MAGI2: variants seen among roughly 807,000 people sequenced by gnomAD.
MAGI2 encodes the protein membrane associated guanylate kinase, WW and PDZ domain containing 2.
A neutral mutation model predicts 133.3 loss-of-function variants in MAGI2; 35 were observed. The ratio of observed to expected loss-of-function variants is 0.26; its 90% CI spans 0.20 to 0.35. The LOEUF (loss-of-function observed/expected upper bound fraction) is 0.35, where lower values mean the gene tolerates loss of function less well. MAGI2 is among the 10% of genes least tolerant of loss of function. The probability of loss-of-function intolerance (pLI) is 1.00; values close to 1 mark genes in which losing one functional copy is unlikely to be tolerated. For missense variants in MAGI2, 1,636 were observed against 1,863.4 expected, an observed-to-expected ratio of 0.88 and a Z score of 2.25; for synonymous variants, 729 against 710.6, an observed-to-expected ratio of 1.03 and a Z score of -0.41.
At chr7:79,165,841 T>C (rs897255205) in intron 1 of MAGI2, among the ~76,000 whole-genome samples, 5 of 152,008 alleles carry the variant, frequency 3.3e-5, no homozygotes, top group African/African-American at 1.2e-4. Context: ...AATTTTATAA[T>C]CTCCCAAAAT....
At chr7:79,044,543 A>G (rs888553437) in intron 1 of MAGI2, among the ~76,000 whole-genome samples, 1 of 152,118 alleles carries the variant, frequency 6.6e-6, no homozygotes, top group Non-Finnish European at 1.5e-5. Context: ...CACTCTCACC[A>G]CTCCTAAAAG....
At chr7:78,529,317 T>C (rs1368252723) in intron 3 of MAGI2, among the ~76,000 whole-genome samples, 1 of 152,166 alleles carries the variant, frequency 6.6e-6, no homozygotes, top group Non-Finnish European at 1.5e-5. Flanking sequence ...GGTTTGTTCA[T>C]GTAAAGGAAA....
chr7:78,706,500 T>G (rs1016378526), intron 2 of MAGI2, among the ~76,000 whole-genome samples: 11 of 152,100 alleles, frequency 7.2e-5, no homozygotes, highest in African/African-American at 2.4e-4. Context: ...TATGAGAAAC[T>G]TAGTACTTTG....
At chr7:78,232,409 T>C (rs1472708313) in intron 10 of MAGI2, among the ~76,000 whole-genome samples, 1 of 152,232 alleles carries the variant, frequency 6.6e-6, no homozygotes, top group African/African-American at 2.4e-5. Flanking sequence ...AATTTATTCA[T>C]GTTTTACAAT....
chr7:78,234,418 G>A (rs1414933387), intron 10 of MAGI2, among the ~76,000 whole-genome samples: 2 of 152,070 alleles, frequency 1.3e-5, no homozygotes, highest in Admixed American at 6.6e-5. Context: ...ATGAAATAAC[G>A]TTAATTAGGA....
At chr7:79,077,574 C>CAAAAAAAAAAAAAAAA (rs769770373) in intron 1 of MAGI2, among the ~76,000 whole-genome samples, 12 of 23,772 alleles carry the variant, frequency 5.0e-4, no homozygotes, top group African/African-American at 1.7e-3. Flanking sequence ...GACTGCCTCT[C>CAAAAAAAAAAAAAAAA]AAAAAAAAAA....
At chr7:78,514,696 T>C (rs758471340) in intron 4 of MAGI2, among the ~76,000 whole-genome samples, 10 of 152,180 alleles carry the variant, frequency 6.6e-5, no homozygotes, top group Non-Finnish European at 4.4e-5. Flanking sequence ...CGAGATTCAC[T>C]AGGGAGGACA....
chr7:78,458,730 G>A (rs1439065988), intron 6 of MAGI2, among the ~76,000 whole-genome samples: 1 of 151,786 alleles, frequency 6.6e-6, no homozygotes, highest in Non-Finnish European at 1.5e-5. Flanking sequence ...CGCCTCCTGG[G>A]TTCATGACAT....
At chr7:78,754,112 C>G (rs760597004) in intron 2 of MAGI2, among the ~76,000 whole-genome samples, 1 of 152,024 alleles carries the variant, frequency 6.6e-6, no homozygotes, top group Non-Finnish European at 1.5e-5. Context: ...AATATTAAAA[C>G]TGGCCTGTAA....
intron 6 of MAGI2, among the ~76,000 whole-genome samples, chr7:78,397,520 C>G (rs1367909070): frequency 6.6e-6 from 1 of 151,856 alleles, no homozygotes. Context: ...CTGGGTTGGC[C>G]TGGAGAAGAA....
rs148235159 is a variant in MAGI2, at chr7:79,075,162, C to CT, written c.302-67957dup. ...CTCTCTTTTTATTCAGTAAATCAGT[C>CT]TTTTTCAGAAGCCACTCAGATGATT... On this transcript the variant is annotated intron_variant, in intron 1 of 21. Transcript: ENST00000354212. Among the ~76,000 whole-genome samples the CT allele has an allele frequency of 3.8e-3, 572 of 152,254 alleles. 3 individuals carry two copies. Among genetic ancestry groups the CT allele is most frequent in the Non-Finnish European group, 5.8e-3 (393 of 68,016 alleles).
chr7:79,105,218 A>G (rs1818345757), intron 1 of MAGI2, among the ~76,000 whole-genome samples: 1 of 152,226 alleles, frequency 6.6e-6, no homozygotes, highest in African/African-American at 2.4e-5. Flanking sequence ...GAGGTATAGT[A>G]TATGAAAAGC....
At chr7:78,164,402 T>G (rs1342205770) in intron 15 of MAGI2, among the ~76,000 whole-genome samples, 1 of 152,232 alleles carries the variant, frequency 6.6e-6, no homozygotes, top group Non-Finnish European at 1.5e-5. Context: ...ACCAGGTCCC[T>G]CATGGTCCTT....
chr7:79,102,713 T>A (rs1818090735), intron 1 of MAGI2, among the ~76,000 whole-genome samples: 1 of 152,204 alleles, frequency 6.6e-6, no homozygotes, highest in South Asian at 2.1e-4. Context: ...ATTCAGTCAA[T>A]TTAAAGACAT....
chr7:78,560,901 A>C (rs1040172109), intron 3 of MAGI2, among the ~76,000 whole-genome samples: 2 of 152,174 alleles, frequency 1.3e-5, no homozygotes, highest in Non-Finnish European at 2.9e-5. Flanking sequence ...ATAGCTCAGG[A>C]TTTATAAAGA....
At chr7:78,529,810 C>A (rs1268567325) in intron 3 of MAGI2, among the ~76,000 whole-genome samples, 1 of 149,760 alleles carries the variant, frequency 6.7e-6, no homozygotes, top group Non-Finnish European at 1.5e-5. Flanking sequence ...AACCACCACA[C>A]CTGGCCAATC....
At chr7:78,794,167 A>G (rs547315119) in intron 2 of MAGI2, among the ~76,000 whole-genome samples, 1 of 152,300 alleles carries the variant, frequency 6.6e-6, no homozygotes, top group East Asian at 1.9e-4. Flanking sequence ...TAAAATTACA[A>G]CTGACTAAGA....
At chr7:79,224,523 C>T (rs1250748041) in intron 1 of MAGI2, among the ~76,000 whole-genome samples, 1 of 152,010 alleles carries the variant, frequency 6.6e-6, no homozygotes, top group Non-Finnish European at 1.5e-5. Flanking sequence ...TACATAAATG[C>T]TTATAGCCAC....
chr7:79,076,422 T>C (rs973817979), intron 1 of MAGI2, among the ~76,000 whole-genome samples: 21 of 152,364 alleles, frequency 1.4e-4, no homozygotes, highest in African/African-American at 5.0e-4. Flanking sequence ...AATTGTCTTA[T>C]ATGGCTTTCA....
Sources: gnomAD v4.1 joint callset for allele counts (sites outside exome capture counted in the v4.1 genomes callset) on GRCh38, gnomAD v4.1.1 for gene constraint, MANE v1.5 for transcripts, NCBI Gene and HGNC (gene_info 2026-07-23, HGNC 2026-07-21) for gene names.